Variants in NRG2 observed in about 807,000 individuals in gnomAD.
NRG2 encodes the protein pro-neuregulin-2, membrane-bound isoform.
A neutral mutation model predicts 73.9 loss-of-function variants in NRG2; 27 were observed. That is an observed-to-expected ratio of 0.37 (90% CI 0.27 to 0.50). NRG2 has a LOEUF of 0.50. NRG2 is among the 20% of genes least tolerant of loss of function. The pLI is 0.96. For synonymous variants in NRG2, 532 were observed against 541.0 expected, an observed-to-expected ratio of 0.98 and a Z score of 0.23; for missense variants, 1,126 against 1,210.1, an observed-to-expected ratio of 0.93 and a Z score of 1.03.
intron 5 of NRG2, among the ~76,000 whole-genome samples, chr5:139,862,210 G>A (rs572016701): frequency 3.8e-4 from 58 of 152,272 alleles, no homozygotes; most frequent in Admixed American, 3.4e-3. Flanking sequence ...TCTGGGAACC[G>A]AATAGTAGCA....
intron 1 of NRG2, among the ~76,000 whole-genome samples, chr5:139,970,794 C>CG (rs1755907432): frequency 6.6e-6 from 1 of 152,170 alleles, no homozygotes; most frequent in Non-Finnish European, 1.5e-5. Flanking sequence ...TGCTAAAAAT[C>CG]AGACAGAAAA....
At chr5:140,033,565 T>C (rs1194894653) in intron 1 of NRG2, among the ~76,000 whole-genome samples, 1 of 152,250 alleles carries the variant, frequency 6.6e-6, no homozygotes, top group Non-Finnish European at 1.5e-5. Flanking sequence ...ATTCATATCC[T>C]GGGACTCACA....
intron 5 of NRG2, among the ~76,000 whole-genome samples, chr5:139,863,766 G>T (rs974418290): frequency 6.6e-6 from 1 of 152,206 alleles, no homozygotes; most frequent in Non-Finnish European, 1.5e-5. Flanking sequence ...AGAGAATTCT[G>T]TTGGGCCACA....
At chr5:140,006,679 G>A (rs571191279) in intron 1 of NRG2, among the ~76,000 whole-genome samples, 1 of 152,276 alleles carries the variant, frequency 6.6e-6, no homozygotes, top group Non-Finnish European at 1.5e-5. Flanking sequence ...TGTGAGTATG[G>A]TGGAAGAGAA....
intron 1 of NRG2, among the ~76,000 whole-genome samples, chr5:139,950,864 C>A (rs1754147736): frequency 1.3e-5 from 2 of 152,180 alleles, no homozygotes; most frequent in East Asian, 3.9e-4. Flanking sequence ...CCATTTCAAC[C>A]CACCACTCAG....
At chr5:139,923,725 G>A (rs1751846930) in intron 1 of NRG2, among the ~76,000 whole-genome samples, 1 of 152,148 alleles carries the variant, frequency 6.6e-6, no homozygotes, top group Admixed American at 6.5e-5. Flanking sequence ...CAAACCCAGA[G>A]TCCTAATTTT....
intron 1 of NRG2, among the ~76,000 whole-genome samples, chr5:139,903,818 TGCCCACGCTCCAGTG>T (rs2127175296): frequency 6.6e-6 from 1 of 152,306 alleles, no homozygotes; most frequent in East Asian, 1.9e-4. Flanking sequence ...CGGGCGCTGT[TGCCCACGCTCCAGTG>T]GCCGAGCAGA....
intron 3 of NRG2, among the ~76,000 whole-genome samples, chr5:139,876,925 C>CTG (rs3082489): frequency 0.13 from 18,218 of 141,822 alleles, 1,309 homozygotes; most frequent in Middle Eastern, 0.23. Flanking sequence ...GAATGTGCAT[C>CTG]TGTGTGTGTG....
At chr5:139,999,414 A>T (rs564719472) in intron 1 of NRG2, among the ~76,000 whole-genome samples, 2 of 152,238 alleles carry the variant, frequency 1.3e-5, no homozygotes, top group Admixed American at 1.3e-4. Flanking sequence ...TTTTCAAGGG[A>T]TGCCAAGTTG....
rs184341859 is a variant in NRG2 at position 139,940,681 on chromosome 5, C to T, written c.701-53170G>A. On this transcript the variant is annotated intron_variant, in intron 1 of 9. Transcript: ENST00000361474. ...ATTTGTGAGGGCAAAAAAGAAAACA[C>T]ATAGGTATGTGCCATGTAGGCAGAG... Among the ~76,000 whole-genome samples the T allele has an allele frequency of 2.4e-3, 358 of 152,238 alleles. 1 individual carries two copies. Among genetic ancestry groups the T allele is most frequent in the African/African-American group, 8.4e-3 (350 of 41,544 alleles).
At position 140,042,560 on chromosome 5, in the gene NRG2, C is replaced by T; in HGVS notation, c.510G>A (p.Arg170=). Residue 170 remains arginine, a synonymous_variant, in exon 1 of 10, where the codon CGG becomes CGA. Transcript: ENST00000361474. ...LVKVLDKWPL[R]SGGLQREQVI... is the part of the protein sequence containing the mutation. Reference sequence around the variant, plus strand: ...CCTGCTCGCGCTGCAGCCCCCCGCTCCGGAGCGGCCACTTGTCCAGCACCT... The same window carrying T: ...CCTGCTCGCGCTGCAGCCCCCCGCTTCGGAGCGGCCACTTGTCCAGCACCT... The T allele has an allele frequency of 6.2e-7, 1 of 1,611,746 alleles. No homozygotes were observed. The highest frequency in any genetic ancestry group is 8.5e-7 in the Non-Finnish European group (1 of 1,178,820).
At chr5:139,923,503 C>A (rs1751832676) in intron 1 of NRG2, among the ~76,000 whole-genome samples, 1 of 152,092 alleles carries the variant, frequency 6.6e-6, no homozygotes, top group Non-Finnish European at 1.5e-5. Flanking sequence ...AGCTCTGTAG[C>A]CTCAGATCTG....
intron 1 of NRG2, among the ~76,000 whole-genome samples, chr5:139,994,621 A>G (rs1757890439): frequency 6.6e-6 from 1 of 152,248 alleles, no homozygotes; most frequent in African/African-American, 2.4e-5. Context: ...AATAGTTAAG[A>G]TGGCAAATTT....
At chr5:139,980,677 G>C (rs1334412407) in intron 1 of NRG2, among the ~76,000 whole-genome samples, 1 of 152,204 alleles carries the variant, frequency 6.6e-6, no homozygotes, top group Non-Finnish European at 1.5e-5. Context: ...AGAATTGTCT[G>C]TTCAGACAGA....
rs560836276 is a variant in NRG2 at position 139,916,771 on chromosome 5, A to G, written c.701-29260T>C. Among the ~76,000 whole-genome samples, 12 of 152,344 alleles carry G rather than the reference A, an allele frequency of 7.9e-5. No individual in the cohort carries two copies. In the East Asian group the frequency reaches 2.1e-3, roughly 27 times the overall value. ...GAATAGTATTCCATTATATGTATATATACCAGATATTATTTATATGTTCAT... is the reference window on the plus strand; with the variant it reads ...GAATAGTATTCCATTATATGTATATGTACCAGATATTATTTATATGTTCAT... On this transcript the variant is annotated intron_variant, in intron 1 of 9. Coordinates refer to ENST00000361474, the MANE Select transcript of NRG2 (RefSeq NM_004883.3).
chr5:139,987,674 T>A (rs1221442876), intron 1 of NRG2, among the ~76,000 whole-genome samples: 1 of 152,114 alleles, frequency 6.6e-6, no homozygotes, highest in East Asian at 1.9e-4. Context: ...GCTAAAGTGG[T>A]GCCATCTTTC....
At chr5:139,925,422 A>G (rs946074040) in intron 1 of NRG2, among the ~76,000 whole-genome samples, 2 of 152,192 alleles carry the variant, frequency 1.3e-5, no homozygotes, top group African/African-American at 4.8e-5. Flanking sequence ...CTGGTAAGAA[A>G]CTGAGATGGT....
intron 1 of NRG2, among the ~76,000 whole-genome samples, chr5:139,933,131 C>T (rs926232630): frequency 3.3e-5 from 5 of 152,002 alleles, no homozygotes; most frequent in Non-Finnish European, 2.9e-5. Flanking sequence ...AAAAAATAGC[C>T]GAGCATGGTG....
intron 1 of NRG2, among the ~76,000 whole-genome samples, chr5:140,018,492 TGAAATGC>T (rs1759970464): frequency 1.3e-5 from 2 of 152,258 alleles, no homozygotes; most frequent in South Asian, 2.1e-4. Flanking sequence ...TAGTCCATAG[TGAAATGC>T]CACCCACATC....
Sources: allele counts gnomAD v4.1 joint callset (sites outside exome capture counted in the v4.1 genomes callset), GRCh38; gene constraint gnomAD v4.1.1; transcripts MANE v1.5; gene names NCBI Gene and HGNC (gene_info 2026-07-23, HGNC 2026-07-21).